The following LINGO2 variants were observed in gnomAD, a reference collection of about 807,000 sequenced individuals.
LINGO2 encodes leucine-rich repeat and immunoglobulin-like domain-containing nogo receptor-interacting protein 2.
Under a neutral mutation model 30.6 loss-of-function variants are expected in LINGO2, and 14 were observed. The ratio of observed to expected loss-of-function variants is 0.46; its 90% CI spans 0.30 to 0.72. The LOEUF (loss-of-function observed/expected upper bound fraction) is 0.72. LINGO2 is among the 30% of genes least tolerant of loss of function. The pLI, the probability that LINGO2 is intolerant of heterozygous loss-of-function variation, is 0.07. For synonymous variants in LINGO2, 317 were observed against 288.5 expected (o/e 1.10, Z -1.00); for missense variants, 729 against 751.7 (o/e 0.97, Z 0.35).
At chr9:28,822,928 C>A in the LINGO2 span, among the ~76,000 whole-genome samples, 23 of 152,222 alleles carry the variant, frequency 1.5e-4, no homozygotes, top group East Asian at 4.4e-3. Context: ...TTCAAAGTGA[C>A]AACTGAATAA....
At position 27,993,557 on chromosome 9, in the gene LINGO2, G is replaced by C. The variant is rs148628075; in HGVS notation, c.-36+18798C>G. The stretch of plus-strand genomic sequence containing the variant: ...GAGACCCTGTCACATACACAAAAAA[G>C]TTCATATCTAGCCACAACTTTCTTA... On this transcript the variant is annotated intron_variant, in intron 5 of 5. Coordinates refer to ENST00000379992, the Ensembl canonical transcript of LINGO2. Among the ~76,000 whole-genome samples the C allele has an allele frequency of 6.2e-3, 941 of 152,136 alleles. 4 individuals carry two copies. Among genetic ancestry groups the C allele is most frequent in the African/African-American group, 0.021 (872 of 41,518 alleles).
the LINGO2 span, among the ~76,000 whole-genome samples, chr9:28,722,598 T>C: frequency 6.6e-6 from 1 of 152,112 alleles, no homozygotes; most frequent in Non-Finnish European, 1.5e-5. Flanking sequence ...ATAAATGACA[T>C]ATCAGGCACA....
intron 3 of LINGO2, among the ~76,000 whole-genome samples, chr9:28,344,237 G>A (rs918319054): frequency 4.6e-5 from 7 of 152,084 alleles, no homozygotes; most frequent in Non-Finnish European, 7.4e-5. Context: ...CTATAAGAAT[G>A]AGGAGGCAGA....
the LINGO2 span, among the ~76,000 whole-genome samples, chr9:28,700,034 C>T: frequency 6.6e-6 from 1 of 151,930 alleles, no homozygotes; most frequent in Non-Finnish European, 1.5e-5. Context: ...CTTTGTTTTC[C>T]TTTTTGCCCT....
At chr9:28,224,617 CTG>C (rs1459683075) in intron 4 of LINGO2, among the ~76,000 whole-genome samples, 2 of 152,148 alleles carry the variant, frequency 1.3e-5, no homozygotes, top group Admixed American at 6.6e-5. Context: ...TTCCTTCTAA[CTG>C]TATTTTTGTA....
intron 3 of LINGO2, among the ~76,000 whole-genome samples, chr9:28,363,637 C>T (rs1174999913): frequency 1.3e-5 from 2 of 152,126 alleles, no homozygotes; most frequent in African/African-American, 2.4e-5. Flanking sequence ...CACCAATCAG[C>T]GGAGTCACTA....
chr9:28,099,456 G>C (rs1044759703), intron 4 of LINGO2, among the ~76,000 whole-genome samples: 5 of 152,042 alleles, frequency 3.3e-5, no homozygotes, highest in Non-Finnish European at 7.4e-5. Flanking sequence ...AGAAGCTTAG[G>C]CTTCATCTTC....
chr9:29,210,866 T>C, the LINGO2 span, among the ~76,000 whole-genome samples: 2 of 152,204 alleles, frequency 1.3e-5, no homozygotes, highest in Non-Finnish European at 2.9e-5. Context: ...AAGTACATTT[T>C]TTTTTCTTCC....
chr9:28,935,331 T>C, the LINGO2 span, among the ~76,000 whole-genome samples: 10 of 152,028 alleles, frequency 6.6e-5, no homozygotes, highest in Non-Finnish European at 1.2e-4. Context: ...TGTCAAACCA[T>C]CCAATGCTAA....
chr9:28,699,474 T>C, the LINGO2 span, among the ~76,000 whole-genome samples: 1 of 152,052 alleles, frequency 6.6e-6, no homozygotes, highest in Non-Finnish European at 1.5e-5. Context: ...AGGATCACTG[T>C]GATGATTGGG....
chr9:29,138,437 C>T, the LINGO2 span, among the ~76,000 whole-genome samples: 2 of 152,012 alleles, frequency 1.3e-5, no homozygotes, highest in East Asian at 1.9e-4. Flanking sequence ...CACACTCATC[C>T]CATGTTTTCC....
chr9:28,315,326 C>T (rs990907525), intron 3 of LINGO2, among the ~76,000 whole-genome samples: 1 of 151,758 alleles, frequency 6.6e-6, no homozygotes, highest in African/African-American at 2.4e-5. Context: ...ATTTCTTAAC[C>T]CGGAGGCACA....
chr9:29,172,417 T>C, the LINGO2 span, among the ~76,000 whole-genome samples: 3 of 152,056 alleles, frequency 2.0e-5, no homozygotes, highest in East Asian at 3.9e-4. Context: ...TTTAAATTAA[T>C]GTATCCTTTG....
chr9:28,038,222 T>C lies in LINGO2; in HGVS notation c.-86-25817A>G, dbSNP rs1010325220. Among the ~76,000 whole-genome samples, 44 of 88,598 alleles carry C rather than the reference T, an allele frequency of 5.0e-4. 1 individual carries two copies. Among genetic ancestry groups the C allele is most frequent in the Admixed American group, 2.6e-3 (19 of 7,248 alleles). The allele number at this position is 88,598 out of a possible 152,430, so 58.1% of individuals were successfully genotyped here. On this transcript the variant is annotated intron_variant, in intron 4 of 5. Transcript: ENST00000379992. Reference sequence around the variant, plus strand: ...TGAGACCATGCCAGGACAGTTATCATGGTTCATTTAAGTATCCATTAAGTG... The same window carrying C: ...TGAGACCATGCCAGGACAGTTATCACGGTTCATTTAAGTATCCATTAAGTG...
intron 2 of LINGO2, among the ~76,000 whole-genome samples, chr9:28,430,481 C>G (rs1823619311): frequency 6.6e-6 from 1 of 152,138 alleles, no homozygotes; most frequent in Non-Finnish European, 1.5e-5. Flanking sequence ...AACTCTTTTC[C>G]TAGAATAATT....
At chr9:29,165,093 G>A in the LINGO2 span, among the ~76,000 whole-genome samples, 1 of 151,942 alleles carries the variant, frequency 6.6e-6, no homozygotes, top group Non-Finnish European at 1.5e-5. Context: ...ATAGTTCAAA[G>A]AACTACTAAG....
intron 2 of LINGO2, among the ~76,000 whole-genome samples, chr9:28,436,927 T>G (rs956486632): frequency 2.6e-5 from 4 of 152,194 alleles, no homozygotes; most frequent in Non-Finnish European, 4.4e-5. Flanking sequence ...GAGGGTCATA[T>G]GATACGAGCT....
the LINGO2 span, among the ~76,000 whole-genome samples, chr9:28,874,933 G>A: frequency 6.6e-6 from 1 of 152,074 alleles, no homozygotes; most frequent in Non-Finnish European, 1.5e-5. Context: ...GGTTGTACTG[G>A]TTGACTATAC....
intron 3 of LINGO2, among the ~76,000 whole-genome samples, chr9:28,361,636 G>T (rs1303583665): frequency 6.6e-6 from 1 of 151,596 alleles, no homozygotes; most frequent in Non-Finnish European, 1.5e-5. Flanking sequence ...ACAGCAAAGG[G>T]CCTTGATTTT....
Sources: gnomAD v4.1 joint callset for allele counts (sites outside exome capture counted in the v4.1 genomes callset) on GRCh38, gnomAD v4.1.1 for gene constraint, MANE v1.5 for transcripts, NCBI Gene and HGNC (gene_info 2026-07-23, HGNC 2026-07-21) for gene names.